Variants in KCNMB2 observed in about 807,000 individuals in gnomAD.
The protein encoded by KCNMB2 is calcium-activated potassium channel subunit beta-2.
KCNMB2 carries 9 observed loss-of-function variants against 24.5 expected under a neutral mutation model. The ratio of observed to expected loss-of-function variants is 0.37; its 90% CI spans 0.22 to 0.64. KCNMB2 has a LOEUF of 0.64. Among genes scored for constraint, KCNMB2 ranks in the 30% least tolerant of loss-of-function variants. KCNMB2 has a pLI of 0.63. For synonymous variants in KCNMB2, 109 were observed against 104.4 expected, an observed-to-expected ratio of 1.04 and a Z score of -0.27; for missense variants, 226 against 284.3, an observed-to-expected ratio of 0.79 and a Z score of 1.47.
chr3:178,805,708 C>A (rs1713938877), intron 1 of KCNMB2, among the ~76,000 whole-genome samples: 1 of 152,056 alleles, frequency 6.6e-6, no homozygotes, highest in Non-Finnish European at 1.5e-5. Context: ...CGGCTCACTG[C>A]AGCCTGGTAC....
intron 1 of KCNMB2, among the ~76,000 whole-genome samples, chr3:178,555,004 A>T (rs1232512752): frequency 1.3e-5 from 2 of 152,232 alleles, no homozygotes; most frequent in African/African-American, 4.8e-5. Flanking sequence ...TGTTCTTGTC[A>T]TTTAAATTAG....
chr3:178,731,026 T>C (rs1723133478), intron 1 of KCNMB2, among the ~76,000 whole-genome samples: 1 of 151,926 alleles, frequency 6.6e-6, no homozygotes, highest in Non-Finnish European at 1.5e-5. Context: ...TATTCCTGCT[T>C]TAGTGGAAGA....
intron 1 of KCNMB2, among the ~76,000 whole-genome samples, chr3:178,731,251 C>G (rs763906168): frequency 9.2e-5 from 14 of 152,186 alleles, no homozygotes; most frequent in East Asian, 7.7e-4. Flanking sequence ...CCTCAGGATA[C>G]CAGAAGTTTA....
At chr3:178,831,996 A>T (rs1474167229) in intron 4 of KCNMB2, among the ~76,000 whole-genome samples, 1 of 152,190 alleles carries the variant, frequency 6.6e-6, no homozygotes, top group Non-Finnish European at 1.5e-5. Context: ...TATGTTATGT[A>T]TACTTGAAGC....
At position 178,842,511 on chromosome 3, in the gene KCNMB2, CA is replaced by C. The variant is rs1577230093; in HGVS notation, c.424-139del. 5 of 596,602 alleles carry C rather than the reference CA, an allele frequency of 8.4e-6. No homozygotes were observed. In the East Asian group the frequency reaches 1.3e-4, roughly 16 times the overall value. 37.0% of individuals were successfully genotyped at this position (596,602 alleles called of 1,614,324 possible). ...TCAATGTGTTATTTATTAGGGTTTC[CA>C]AAGGCACCAGTTTGAATATGAAAAG... On this transcript the variant is annotated intron_variant, in intron 4 of 4. Transcript: ENST00000452583.
chr3:178,842,571 T>C, intron 4 of KCNMB2, 82 bp from the exon 5 acceptor site: 1 of 913,436 alleles, frequency 1.1e-6, no homozygotes. Context: ...AGATCACTAA[T>C]TTGGACACAA....
intron 1 of KCNMB2, among the ~76,000 whole-genome samples, chr3:178,798,254 T>C (rs1713633256): frequency 6.6e-6 from 1 of 152,186 alleles, no homozygotes; most frequent in Non-Finnish European, 1.5e-5. Context: ...CCATTTAGTA[T>C]GATGTTGGCT....
intron 1 of KCNMB2, among the ~76,000 whole-genome samples, chr3:178,614,311 GTATGTGTA>G (rs1718623913): frequency 5.3e-5 from 4 of 75,398 alleles, no homozygotes; most frequent in African/African-American, 1.9e-4. Context: ...GTATATATAT[GTATGTGTA>G]TATATATATG....
intron 2 of KCNMB2, among the ~76,000 whole-genome samples, chr3:178,809,054 A>G (rs908788122): frequency 1.3e-5 from 2 of 152,202 alleles, no homozygotes; most frequent in African/African-American, 4.8e-5. Flanking sequence ...AGGCTTAATC[A>G]AATTATTTTT....
intron 1 of KCNMB2, among the ~76,000 whole-genome samples, chr3:178,661,036 G>A (rs1720508984): frequency 2.0e-5 from 3 of 151,708 alleles, no homozygotes; most frequent in South Asian, 2.1e-4. Flanking sequence ...TGCGCAGAAC[G>A]TGCAGATTTG....
chr3:178,602,237 G>C (rs1718107223), intron 1 of KCNMB2, among the ~76,000 whole-genome samples: 1 of 151,922 alleles, frequency 6.6e-6, no homozygotes, highest in Non-Finnish European at 1.5e-5. Context: ...TATCTCCTAT[G>C]CCTATAGAGC....
intron 1 of KCNMB2, among the ~76,000 whole-genome samples, chr3:178,658,989 G>A (rs533015901): frequency 6.6e-6 from 1 of 152,324 alleles, no homozygotes; most frequent in Admixed American, 6.5e-5. Context: ...GCAAATGCCT[G>A]AGCTTGGGCC....
chr3:178,792,564 A>G (rs898180388), intron 1 of KCNMB2, among the ~76,000 whole-genome samples: 99 of 152,216 alleles, frequency 6.5e-4, no homozygotes, highest in African/African-American at 2.3e-3. Context: ...GTACATCTTT[A>G]CATATCAATA....
chr3:178,595,972 C>G (rs1216518627), intron 1 of KCNMB2, among the ~76,000 whole-genome samples: 2 of 152,010 alleles, frequency 1.3e-5, no homozygotes, highest in African/African-American at 4.8e-5. Context: ...GGCAGGGGAT[C>G]TTGAGCTTTC....
chr3:178,575,040 C>T (rs1716941884), intron 1 of KCNMB2, among the ~76,000 whole-genome samples: 1 of 152,116 alleles, frequency 6.6e-6, no homozygotes, highest in Non-Finnish European at 1.5e-5. Flanking sequence ...TGCACTCAAG[C>T]CTGGGCAACA....
chr3:178,537,353 G>A (rs905117861), intron 1 of KCNMB2: 1 of 152,220 alleles, frequency 6.6e-6, no homozygotes, highest in African/African-American at 2.4e-5. Flanking sequence ...AAAAGAAGGG[G>A]CTTTCTCTCG....
At chr3:178,807,145 G>C (rs140388363) in intron 1 of KCNMB2, among the ~76,000 whole-genome samples, 198 bp from the exon 2 acceptor site, 1 of 152,310 alleles carries the variant, frequency 6.6e-6, no homozygotes, top group Non-Finnish European at 1.5e-5. Context: ...ATCAGCTAAG[G>C]AAGATTTAAA....
chr3:178,806,017 T>C (rs1713953694), intron 1 of KCNMB2, among the ~76,000 whole-genome samples: 1 of 152,132 alleles, frequency 6.6e-6, no homozygotes, highest in Admixed American at 6.5e-5. Flanking sequence ...TAGTCCCAAC[T>C]ACTGGGGAAG....
At chr3:178,556,070 T>C (rs1716114452) in intron 1 of KCNMB2, among the ~76,000 whole-genome samples, 1 of 152,174 alleles carries the variant, frequency 6.6e-6, no homozygotes, top group Admixed American at 6.5e-5. Context: ...GAGTGAAAGA[T>C]AACCAGAATT....
Sources: gnomAD v4.1 joint callset for allele counts (sites outside exome capture counted in the v4.1 genomes callset) on GRCh38, gnomAD v4.1.1 for gene constraint, MANE v1.5 for transcripts, NCBI Gene and HGNC (gene_info 2026-07-23, HGNC 2026-07-21) for gene names.